The following BCAS3 variants were observed in gnomAD, a reference collection of about 807,000 sequenced individuals.
BCAS3 encodes BCAS3 microtubule associated cell migration factor.
In BCAS3, 53 loss-of-function variants were observed where a neutral mutation model predicts 116.1. The ratio of observed to expected loss-of-function variants is 0.46; its 90% CI spans 0.37 to 0.57. The LOEUF is 0.57. Ranked by LOEUF, BCAS3 falls within the 20% of genes least tolerant of loss-of-function variation. The pLI is 0.00. For missense variants in BCAS3, 917 were observed against 1,165.4 expected (o/e 0.79, Z 3.10); for synonymous variants, 391 against 408.2 (o/e 0.96, Z 0.51).
chr17:60,896,053 C>T (rs529529313), intron 10 of BCAS3, among the ~76,000 whole-genome samples: 5 of 152,328 alleles, frequency 3.3e-5, no homozygotes, highest in Non-Finnish European at 7.3e-5. Context: ...AGGCCAGGCA[C>T]GGTTGCACAT....
At chr17:61,197,748 G>T (rs756427564) in intron 22 of BCAS3, among the ~76,000 whole-genome samples, 9 of 152,122 alleles carry the variant, frequency 5.9e-5, no homozygotes, top group Admixed American at 2.0e-4. Flanking sequence ...AAAGACCCTC[G>T]GGAGACCTGA....
intron 19 of BCAS3, among the ~76,000 whole-genome samples, chr17:61,072,667 CT>C (rs1407458636): frequency 2.1e-5 from 3 of 139,540 alleles, no homozygotes; most frequent in Non-Finnish European, 4.5e-5. Flanking sequence ...ATTACTCGAG[CT>C]TTATTACCAA....
In BCAS3 at chr17:61,378,409, C is replaced by T. The variant is rs932169215; in HGVS notation, c.2593+9915C>T. ...CTCTGTCTCTGAATTTCTGCACCAC[C>T]GACTTGCTGGATACTTGGCCCTGGG... On this transcript the variant is annotated intron_variant, in intron 23 of 23. Transcript: ENST00000407086. This position sits in a 1 kb window ranked among gnomAD's most constrained non-coding sequence, Gnocchi z 5.8. 3 of 152,240 alleles carry T rather than the reference C, an allele frequency of 2.0e-5. No homozygotes were observed. Among genetic ancestry groups the T allele is most frequent in the Non-Finnish European group, 4.4e-5 (3 of 68,074 alleles). 9.4% of individuals were successfully genotyped at this position (152,240 alleles called of 1,614,324 possible). A position where few individuals can be genotyped will look rare whatever the true frequency, so the allele number is the denominator to read the frequency against.
In BCAS3 at chr17:61,381,475, G is replaced by A. The variant is rs1429183858; in HGVS notation, c.2594-10502G>A. ...GAGACACAGGCTGGGACCCCAAAGA[G>A]GGCAACAGAGGCCGTGCCCCAACAC... On this transcript the variant is annotated intron_variant, in intron 23 of 23. Coordinates refer to ENST00000407086, the MANE Select transcript of BCAS3 (RefSeq NM_017679.5). This position sits in a 1 kb window ranked among gnomAD's most constrained non-coding sequence, Gnocchi z 6.0. Among the ~76,000 whole-genome samples the A allele has an allele frequency of 6.6e-6, 1 of 152,110 alleles. No homozygotes were observed. The highest frequency in any genetic ancestry group is 1.9e-4 in the East Asian group (1 of 5,184).
In BCAS3 at chr17:60,800,891, A is replaced by G. The variant is rs79280790; in HGVS notation, c.404-7113A>G. 5.0e-3 allele frequency among the ~76,000 whole-genome samples: 761 copies of G among 151,924 alleles called. 14 individuals carry two copies. The highest frequency in any genetic ancestry group is 0.031 in the East Asian group (162 of 5,156). ...TCATTTGGCCATATTTGTGTGGTCT[A>G]TTTCTGTGTTTTCTTTTTTCCTTTA... On this transcript the variant is annotated intron_variant, in intron 6 of 23. Coordinates refer to ENST00000407086, the MANE Select transcript of BCAS3 (RefSeq NM_017679.5).
rs1192383559 is a variant in BCAS3, at chr17:61,236,000, A to G, written c.2426-132327A>G. 1.3e-5 allele frequency among the ~76,000 whole-genome samples: 2 copies of G among 152,224 alleles called. No homozygotes were observed. The highest frequency in any genetic ancestry group is 4.1e-4 in the South Asian group (2 of 4,830). ...CTGCAGCAGTCGGACCAGTTAAATT[A>G]TAGTTAGTAAAACTTGGTGCCTTGT... On this transcript the variant is annotated intron_variant, in intron 22 of 23. Transcript: ENST00000407086. This position sits in a 1 kb window ranked among gnomAD's most constrained non-coding sequence, Gnocchi z 5.0.
chr17:60,841,411 G>A (rs1056966593), intron 7 of BCAS3, among the ~76,000 whole-genome samples: 19 of 144,198 alleles, frequency 1.3e-4, no homozygotes, highest in African/African-American at 2.3e-4. Context: ...ACCGAGTCTC[G>A]CTCTGTCACT....
chr17:61,357,379 A>G (rs1225186040), intron 22 of BCAS3, among the ~76,000 whole-genome samples: 1 of 149,962 alleles, frequency 6.7e-6, no homozygotes, highest in Non-Finnish European at 1.5e-5. Flanking sequence ...GCAGTAAGCT[A>G]TGATTGCACC....
At chr17:60,722,759 CA>C (rs571361987) in intron 5 of BCAS3, among the ~76,000 whole-genome samples, 4,827 of 77,178 alleles carry the variant, frequency 0.063, 187 homozygotes, top group African/African-American at 0.17. Flanking sequence ...GACTCTGTCT[CA>C]AAAAAAAAAA....
chr17:61,091,958 C>T (rs1157851996), intron 22 of BCAS3, among the ~76,000 whole-genome samples: 1 of 152,176 alleles, frequency 6.6e-6, no homozygotes, highest in Non-Finnish European at 1.5e-5. Context: ...TATACTCAGC[C>T]ACCACTCACA....
chr17:60,773,398 C>T (rs112741251), intron 6 of BCAS3, among the ~76,000 whole-genome samples: 2,058 of 149,324 alleles, frequency 0.014, 42 homozygotes, highest in African/African-American at 0.046. Flanking sequence ...CTCGGGCAGT[C>T]CTCCCAACTC....
In BCAS3 at chr17:61,017,827, G is replaced by T. The variant is rs369694680; in HGVS notation, c.1637+1926G>T. 6.6e-6 allele frequency among the ~76,000 whole-genome samples: 1 copy of T among 151,828 alleles called. No homozygotes were observed. The highest frequency in any genetic ancestry group is 1.5e-5 in the Non-Finnish European group (1 of 67,936). ...TCTCTCTCTCTCCCTCTTACAACCCGATTTCTCTCTACACTGAGATGAATA... is the reference window on the plus strand; with the variant it reads ...TCTCTCTCTCTCCCTCTTACAACCCTATTTCTCTCTACACTGAGATGAATA... On this transcript the variant is annotated intron_variant, in intron 16 of 23. Coordinates refer to ENST00000407086, the MANE Select transcript of BCAS3 (RefSeq NM_017679.5). This position sits in a 1 kb window ranked among gnomAD's most constrained non-coding sequence, Gnocchi z 4.7.
At chr17:61,172,987 C>CAAATAAAT (rs56769937) in intron 22 of BCAS3, among the ~76,000 whole-genome samples, 89,328 of 149,454 alleles carry the variant, frequency 0.6, 29,885 homozygotes, top group South Asian at 0.83. Context: ...GATTCCATCT[C>CAAATAAAT]AAATAAATAA....
At chr17:61,094,585 C>T (rs181241923) in intron 22 of BCAS3, among the ~76,000 whole-genome samples, 4 of 152,276 alleles carry the variant, frequency 2.6e-5, no homozygotes, top group Admixed American at 1.3e-4. Context: ...CGATGGCACA[C>T]GCGTATAATC....
intron 15 of BCAS3, among the ~76,000 whole-genome samples, chr17:61,010,408 C>T (rs1485240022): frequency 6.6e-6 from 1 of 151,610 alleles, no homozygotes; most frequent in Admixed American, 6.6e-5. Context: ...TTTGTGTCCC[C>T]CAAAGTACAC....
chr17:60,712,115 A>G (rs983616003), intron 5 of BCAS3, among the ~76,000 whole-genome samples: 3 of 152,138 alleles, frequency 2.0e-5, no homozygotes, highest in Admixed American at 2.0e-4. Flanking sequence ...CAGTGAGCCA[A>G]GATTGCGCCA....
At chr17:60,853,046 A>T (rs992155305) in intron 7 of BCAS3, among the ~76,000 whole-genome samples, 1 of 152,230 alleles carries the variant, frequency 6.6e-6, no homozygotes, top group Non-Finnish European at 1.5e-5. Flanking sequence ...TACAACCAAG[A>T]TGTCCTCCAC....
intron 5 of BCAS3, among the ~76,000 whole-genome samples, chr17:60,715,431 A>T: frequency 6.6e-6 from 1 of 151,758 alleles, no homozygotes. Context: ...ACTCTTTCAA[A>T]TCTACTAGTT....
chr17:61,000,955 G>A (rs1414562759), intron 15 of BCAS3, among the ~76,000 whole-genome samples: 3 of 151,978 alleles, frequency 2.0e-5, no homozygotes, highest in South Asian at 4.2e-4. Context: ...TCCATTTTAG[G>A]TTCAAAAATA....
Sources: gnomAD v4.1 joint callset for allele counts (sites outside exome capture counted in the v4.1 genomes callset) on GRCh38, gnomAD v4.1.1 for gene constraint, Gnocchi (gnomAD v3.1) non-coding constraint, MANE v1.5 for transcripts, NCBI Gene and HGNC (gene_info 2026-07-23, HGNC 2026-07-21) for gene names.